ZNF107: variants seen among roughly 807,000 people sequenced by gnomAD.
ZNF107 encodes the protein C2H2 type zinc-finger protein.
In ZNF107, 19 loss-of-function variants were observed where a neutral mutation model predicts 12.3. That is an observed-to-expected ratio of 1.55 (90% CI 1.08 to 2.27). The LOEUF (loss-of-function observed/expected upper bound fraction) is 2.27, where lower values mean the gene tolerates loss of function less well. Among genes scored for constraint, ZNF107 ranks in the 30% most tolerant of loss-of-function variants. The pLI, the probability that ZNF107 is intolerant of heterozygous loss-of-function variation, is 0.00. For synonymous variants in ZNF107, 317 were observed against 330.5 expected (o/e 0.96, Z 0.44); for missense variants, 958 against 979.9 (o/e 0.98, Z 0.30).
intron 3 of ZNF107, among the ~76,000 whole-genome samples, chr7:64,700,083 T>G (rs1790423851): frequency 1.8e-5 from 2 of 108,926 alleles, no homozygotes; most frequent in South Asian, 6.4e-4. Flanking sequence ...AAAAGAATAT[T>G]GTACATTCTC....
chr7:64,685,392 A>G (rs1789866648), intron 1 of ZNF107, among the ~76,000 whole-genome samples: 1 of 151,954 alleles, frequency 6.6e-6, no homozygotes, highest in East Asian at 1.9e-4. Flanking sequence ...CAAAGCCCCC[A>G]GAAGTCATCA....
At chr7:64,669,056 C>T (rs1282049836) in intron 1 of ZNF107, 3 of 113,592 alleles carry the variant, frequency 2.6e-5, no homozygotes, top group African/African-American at 1.0e-4. Context: ...CGCTCTGTTG[C>T]TCAGGCTGAA....
At chr7:64,688,402 A>G (rs912163214) in intron 1 of ZNF107, among the ~76,000 whole-genome samples, 1 of 151,812 alleles carries the variant, frequency 6.6e-6, no homozygotes, top group Non-Finnish European at 1.5e-5. Context: ...GATTACAAGC[A>G]CGCACCAAGA....
chr7:64,687,098 G>A (rs2128961512), intron 1 of ZNF107: 1 of 985,336 alleles, frequency 1.0e-6, no homozygotes, highest in African/African-American at 1.7e-5. Context: ...TTCTTAAGAT[G>A]CTTTTCTTTT....
At chr7:64,678,605 G>A (rs1789519624) in intron 1 of ZNF107, among the ~76,000 whole-genome samples, 2 of 152,028 alleles carry the variant, frequency 1.3e-5, no homozygotes, top group African/African-American at 2.4e-5. Flanking sequence ...AACATAAAGT[G>A]TTTTAATTGA....
Position 64,700,692 on chromosome 7 carries a change from A to G in ZNF107, c.227-5632A>G, listed in dbSNP as rs1790448623. 3.3e-5 allele frequency among the ~76,000 whole-genome samples: 5 copies of G among 151,698 alleles called. 1 individual carries two copies. The South Asian group carries it at 1.0e-3, about 32-fold the overall frequency. On this transcript the variant is annotated intron_variant, in intron 3 of 3. Coordinates refer to ENST00000620827, the MANE Select transcript of ZNF107 (RefSeq NM_001282359.2). ...GTAGCTGGGATTACAGGTGCCTGCC[A>G]CCATGCCTGGCTAATTTTTGTATTT...
At position 64,708,097 on chromosome 7, in the gene ZNF107, A is replaced by G. The variant is rs151138750; in HGVS notation, c.2000A>G (p.His667Arg). The stretch of plus-strand genomic sequence containing the variant: ...AACCTATTCTCAAACATTACTAACC[A>G]TAAGATAATTTATACTGGAGAGAAA... ...AFNLFSNITN[H>R]KIIYTGEKPH... The change falls in exon 4 of 4, where the codon CAT (histidine) becomes CGT (arginine). Residue 667 changes from histidine to arginine, a missense_variant. His to Arg is a conservative substitution (Grantham distance 29). Coordinates refer to ENST00000620827, the MANE Select transcript of ZNF107 (RefSeq NM_001282359.2). The G allele has an allele frequency of 2.5e-6, 4 of 1,613,268 alleles. No individual in the cohort carries two copies. Among genetic ancestry groups the G allele is most frequent in the Non-Finnish European group, 3.4e-6 (4 of 1,179,678 alleles).
chr7:64,692,857 G>A (rs542457502), intron 3 of ZNF107, among the ~76,000 whole-genome samples: 1 of 152,084 alleles, frequency 6.6e-6, no homozygotes, highest in South Asian at 2.1e-4. Context: ...TTATATTTTG[G>A]TAATTTGCTA....
At position 64,691,254 on chromosome 7, in the gene ZNF107, C is replaced by T; in HGVS notation, c.10C>T (p.Leu4=). The change falls in exon 2 of 4, where the codon CTG becomes TTG. Residue 4 remains leucine, a synonymous_variant. Transcript: ENST00000620827. Reference sequence around the variant, plus strand: ...GTGTGTTTGTGTTTTTCAGGAACCACTGACATTTAAAGATGTCGCCATAGA... The same window carrying T: ...GTGTGTTTGTGTTTTTCAGGAACCATTGACATTTAAAGATGTCGCCATAGA... MEP[L]TFKDVAIEFS... The T allele has an allele frequency of 6.6e-7, 1 of 1,510,136 alleles. No homozygotes were observed. The highest frequency in any genetic ancestry group is 8.8e-7 in the Non-Finnish European group (1 of 1,130,344). The allele number at this position is 1,510,136 out of a possible 1,614,324, so 93.5% of individuals were successfully genotyped here.
At chr7:64,700,060 C>CAA (rs57490541) in intron 3 of ZNF107, among the ~76,000 whole-genome samples, 10 of 96,804 alleles carry the variant, frequency 1.0e-4, no homozygotes, top group African/African-American at 4.1e-4. Context: ...GACTCCATCT[C>CAA]AAAAAAAAAA....
intron 2 of ZNF107, 76 bp from the exon 3 acceptor site, chr7:64,691,789 A>T: frequency 1.3e-6 from 1 of 759,474 alleles, no homozygotes; most frequent in Non-Finnish European, 1.8e-6. Context: ...CATCCTCTTT[A>T]CTGAGCACCT....
intron 3 of ZNF107, among the ~76,000 whole-genome samples, chr7:64,693,167 T>TA (rs1254555830): frequency 7.5e-6 from 1 of 133,384 alleles, no homozygotes; most frequent in East Asian, 2.3e-4. Flanking sequence ...CTCAGCTAAT[T>TA]TTTTTTTTTT....
intron 1 of ZNF107, among the ~76,000 whole-genome samples, chr7:64,674,331 T>C (rs567325024): frequency 6.6e-6 from 1 of 152,316 alleles, no homozygotes; most frequent in East Asian, 1.9e-4. Context: ...TCTTTCACTT[T>C]CCTGGTTAGC....
At chr7:64,682,157 ATCC>A (rs1400742146) in intron 1 of ZNF107, among the ~76,000 whole-genome samples, 17 of 151,772 alleles carry the variant, frequency 1.1e-4, no homozygotes, top group Non-Finnish European at 1.5e-5. Context: ...CCAACAGAAT[ATCC>A]TCCTACTCCT....
chr7:64,697,286 A>G (rs1244676274), intron 3 of ZNF107, among the ~76,000 whole-genome samples: 2 of 152,186 alleles, frequency 1.3e-5, no homozygotes, highest in Non-Finnish European at 1.5e-5. Flanking sequence ...ATACATGTGC[A>G]TGTGTCTTTA....
At position 64,706,632 on chromosome 7, in the gene ZNF107, A is replaced by G; in HGVS notation, c.535A>G (p.Ser179Gly). 1 of 1,613,462 alleles carries G rather than the reference A, an allele frequency of 6.2e-7. No homozygotes were observed. The highest frequency in any genetic ancestry group is 8.5e-7 in the Non-Finnish European group (1 of 1,179,606). Residue 179 changes from serine (S) to glycine (G), a missense_variant, in exon 4 of 4, where the codon AGC becomes GGC. Transcript: ENST00000620827. ...CAAACACTTCAAATGTAAAGAATGTAGCAAATCATTTTGCGTGCTTTCACA... is the reference window on the plus strand; with the variant it reads ...CAAACACTTCAAATGTAAAGAATGTGGCAAATCATTTTGCGTGCTTTCACA... ...GNKHFKCKEC[S>G]KSFCVLSQLT...
At chr7:64,693,976 C>T (rs745529047) in intron 3 of ZNF107, among the ~76,000 whole-genome samples, 5 of 152,042 alleles carry the variant, frequency 3.3e-5, no homozygotes, top group Admixed American at 6.6e-5. Flanking sequence ...TTAGTAGAGA[C>T]GGAGTTTTAC....
chr7:64,681,389 G>A (rs1298895732), intron 1 of ZNF107, among the ~76,000 whole-genome samples: 1 of 151,350 alleles, frequency 6.6e-6, no homozygotes, highest in Non-Finnish European at 1.5e-5. Context: ...ACTCCTTTTT[G>A]CACTCCTTTT....
chr7:64,673,367 G>A (rs1050802977), intron 1 of ZNF107, among the ~76,000 whole-genome samples: 14 of 152,160 alleles, frequency 9.2e-5, no homozygotes, highest in African/African-American at 3.4e-4. Context: ...TTACTTTTTA[G>A]CCACATGTAT....
Sources: allele counts gnomAD v4.1 joint callset (sites outside exome capture counted in the v4.1 genomes callset), GRCh38; gene constraint gnomAD v4.1.1; transcripts MANE v1.5; gene names NCBI Gene and HGNC (gene_info 2026-07-23, HGNC 2026-07-21).